Variants in CABIN1 observed in about 807,000 individuals in gnomAD.
CABIN1 encodes calcineurin binding protein 1.
A neutral mutation model predicts 227.7 loss-of-function variants in CABIN1; 133 were observed. The observed-to-expected ratio is 0.58, with a 90% CI of 0.51 to 0.67. The LOEUF is 0.67. Ranked by LOEUF, CABIN1 falls within the 30% of genes least tolerant of loss-of-function variation. The pLI, the probability that CABIN1 is intolerant of heterozygous loss-of-function variation, is 0.00. For synonymous variants in CABIN1, 1,086 were observed against 1,155.1 expected, an observed-to-expected ratio of 0.94 and a Z score of 1.21; for missense variants, 2,408 against 2,852.5, an observed-to-expected ratio of 0.84 and a Z score of 3.55.
intron 29 of CABIN1, among the ~76,000 whole-genome samples, chr22:24,159,080 G>C (rs1477525403): frequency 7.9e-5 from 12 of 152,178 alleles, no homozygotes; most frequent in Non-Finnish European, 1.8e-4. Flanking sequence ...TTCCCCCCAG[G>C]GGCTTCAGGA....
chr22:24,090,424 T>C (rs535295269), intron 23 of CABIN1, among the ~76,000 whole-genome samples: 1 of 152,304 alleles, frequency 6.6e-6, no homozygotes, highest in Non-Finnish European at 1.5e-5. Context: ...GGGGATGTGA[T>C]GGAGTCACTT....
chr22:24,029,863 G>T (rs886671827), intron 1 of CABIN1, among the ~76,000 whole-genome samples: 2 of 152,168 alleles, frequency 1.3e-5, no homozygotes, highest in African/African-American at 4.8e-5. Context: ...AGTTCAGTAT[G>T]TGTCTGTGCC....
At position 24,056,289 on chromosome 22, in the gene CABIN1, C is replaced by G; in HGVS notation, c.1191C>G (p.Val397=). Residue 397 remains valine (V), a synonymous_variant, in exon 10 of 37, where the codon GTC becomes GTG. Transcript: ENST00000263119. ...CAGCAAAGCGGCGGTCTGCCCGTGT[C>G]CGAAACACCAAGTGCAAAAAAGAAG... The part of the protein sequence containing the change: ...GETAKRRSAR[V]RNTKCKKEEK... The G allele has an allele frequency of 6.2e-7, 1 of 1,613,986 alleles. No individual in the cohort carries two copies. The highest frequency in any genetic ancestry group is 8.5e-7 in the Non-Finnish European group (1 of 1,179,910).
chr22:24,042,474 A>G (rs1569111304), intron 5 of CABIN1, among the ~76,000 whole-genome samples: 2 of 152,132 alleles, frequency 1.3e-5, no homozygotes. Flanking sequence ...TCAGCTACTC[A>G]TGGAGCTGAG....
chr22:24,087,836 C>A, intron 23 of CABIN1, 123 bp downstream of exon 23: 1 of 1,276,070 alleles, frequency 7.8e-7, no homozygotes, highest in Non-Finnish European at 1.1e-6. Flanking sequence ...TGGGAGCTCA[C>A]TGACGAATCT....
chr22:24,132,702 C>G (rs1469774310), intron 28 of CABIN1, among the ~76,000 whole-genome samples: 1 of 152,216 alleles, frequency 6.6e-6, no homozygotes, highest in Non-Finnish European at 1.5e-5. Context: ...ATTCTCCTGC[C>G]TCAGCCTGTT....
intron 6 of CABIN1, among the ~76,000 whole-genome samples, chr22:24,045,768 GGA>G (rs1315727712): frequency 1.3e-5 from 2 of 152,184 alleles, no homozygotes; most frequent in Non-Finnish European, 2.9e-5. Flanking sequence ...TCTGGAGGCT[GGA>G]GAGTCTTTTT....
At chr22:24,051,043 A>T (rs969206344) in intron 8 of CABIN1, 69 bp downstream of exon 8, 1 of 1,598,012 alleles carries the variant, frequency 6.3e-7, no homozygotes, top group African/African-American at 1.3e-5. Context: ...GCTGCCCTGC[A>T]CAGGAGGGAG....
Position 24,072,484 on chromosome 22 carries a change from A to G in CABIN1, c.2606A>G (p.Gln869Arg), listed in dbSNP as rs1391212094. Residue 869 changes from glutamine to arginine, a missense_variant, in exon 18 of 37, where the codon CAG (glutamine) becomes CGG (arginine). By Grantham distance (43) the Gln-to-Arg change is conservative. Coordinates refer to ENST00000263119, the MANE Select transcript of CABIN1 (RefSeq NM_012295.4). ...ACCTTCCATTCTCTGTGCCACCAGCAGCAGCTCCAAAACCCAGCGGAGGAA... is the reference window on the plus strand; with the variant it reads ...ACCTTCCATTCTCTGTGCCACCAGCGGCAGCTCCAAAACCCAGCGGAGGAA... Reference protein sequence around the residue: ...EDTFHSLCHQQQLQNPAEEGM... With the variant: ...EDTFHSLCHQRQLQNPAEEGM... The G allele has an allele frequency of 6.2e-7, 1 of 1,614,224 alleles. No individual in the cohort carries two copies. The highest frequency in any genetic ancestry group is 8.5e-7 in the Non-Finnish European group (1 of 1,180,036).
At chr22:24,033,717 G>A (rs1005689527) in intron 1 of CABIN1, among the ~76,000 whole-genome samples, 1 of 152,130 alleles carries the variant, frequency 6.6e-6, no homozygotes, top group Non-Finnish European at 1.5e-5. Context: ...CTGCTGTCAC[G>A]GGTCCATCTG....
At chr22:24,059,410 C>T (rs750773089) in intron 11 of CABIN1, 47 bp downstream of exon 11, 2 of 1,607,180 alleles carry the variant, frequency 1.2e-6, no homozygotes, top group African/African-American at 2.7e-5. Context: ...TTCTTCTTCC[C>T]ACTATCCTAT....
chr22:24,159,323 C>T (rs1289137337), intron 29 of CABIN1, among the ~76,000 whole-genome samples: 1 of 152,260 alleles, frequency 6.6e-6, no homozygotes, highest in East Asian at 1.9e-4. Flanking sequence ...CTGGGGGCAA[C>T]CCTGCAGGCA....
intron 28 of CABIN1, among the ~76,000 whole-genome samples, chr22:24,125,157 T>C (rs2043641708): frequency 6.6e-6 from 1 of 152,192 alleles, no homozygotes; most frequent in Admixed American, 6.5e-5. Flanking sequence ...AGACCCCATT[T>C]CTTTGGCCCG....
chr22:24,071,083 G>T, intron 17 of CABIN1, 41 bp downstream of exon 17: 1 of 1,613,916 alleles, frequency 6.2e-7, no homozygotes, highest in Non-Finnish European at 8.5e-7. Flanking sequence ...GCCCCAGCAG[G>T]TATGTCTCTG....
chr22:24,036,485 T>C (rs78291361), intron 3 of CABIN1, among the ~76,000 whole-genome samples: 12 of 152,300 alleles, frequency 7.9e-5, no homozygotes, highest in Non-Finnish European at 1.5e-4. Flanking sequence ...AGAATATTAA[T>C]GGTAGATGGT....
chr22:24,177,954 G>A lies in CABIN1; in HGVS notation c.6520-99G>A. 1.9e-6 allele frequency: 3 copies of A among 1,574,182 alleles called. No individual in the cohort carries two copies. In the South Asian group the frequency reaches 3.4e-5, roughly 18 times the overall value. On this transcript the variant is annotated intron_variant, in intron 36 of 36. Transcript: ENST00000263119. The surrounding 1 kb of genome is among the most constrained non-coding windows in gnomAD (Gnocchi z 4.4). ...GCATAGGGGCCTGGGGCAGGGGTGA[G>A]GGTGGGAGGGGGGCCTGGGGCAGGG...
At chr22:24,157,978 CCT>C (rs1172216453) in intron 29 of CABIN1, among the ~76,000 whole-genome samples, 1 of 152,210 alleles carries the variant, frequency 6.6e-6, no homozygotes, top group African/African-American at 2.4e-5. Context: ...GCTCCTACAC[CCT>C]GTGCCCACTG....
At chr22:24,075,195 C>T (rs983829080) in intron 18 of CABIN1, among the ~76,000 whole-genome samples, 58 of 150,494 alleles carry the variant, frequency 3.9e-4, no homozygotes, top group African/African-American at 1.4e-3. Context: ...AGTGAGACCT[C>T]ATCTTAAAAA....
At chr22:24,073,073 T>C (rs2146780737) in intron 18 of CABIN1, among the ~76,000 whole-genome samples, 1 of 152,282 alleles carries the variant, frequency 6.6e-6, no homozygotes, top group African/African-American at 2.4e-5. Flanking sequence ...TGGCTCATGG[T>C]GGGTGCTGAG....
Sources: allele counts gnomAD v4.1 joint callset (sites outside exome capture counted in the v4.1 genomes callset), GRCh38; gene constraint gnomAD v4.1.1; non-coding constraint Gnocchi (gnomAD v3.1); transcripts MANE v1.5; gene names NCBI Gene and HGNC (gene_info 2026-07-23, HGNC 2026-07-21).